CCDC158: variants seen among roughly 807,000 people sequenced by gnomAD.
CCDC158 encodes coiled-coil domain-containing protein 158.
Under a neutral mutation model 138.6 loss-of-function variants are expected in CCDC158, and 116 were observed. The observed-to-expected ratio is 0.84, with a 90% confidence interval of 0.72 to 0.98. CCDC158 has a LOEUF of 0.98. Ranked by LOEUF, CCDC158 falls within the 50% of genes least tolerant of loss-of-function variation. The pLI, the probability that CCDC158 is intolerant of heterozygous loss-of-function variation, is 0.00. For missense variants in CCDC158, 1,265 were observed against 1,306.1 expected (o/e 0.97, Z 0.48); for synonymous variants, 436 against 442.4 (o/e 0.99, Z 0.18).
In CCDC158 at chr4:76,357,362, A is replaced by C. The variant is rs1214270782; in HGVS notation, c.2173+12T>G. The C allele has an allele frequency of 9.5e-6, 14 of 1,480,686 alleles. No individual in the cohort carries two copies. Among genetic ancestry groups the C allele is most frequent in the Non-Finnish European group, 1.2e-5 (13 of 1,117,288 alleles). The allele number at this position is 1,480,686 out of a possible 1,614,324, so 91.7% of individuals were successfully genotyped here. On this transcript the variant is annotated intron_variant, in intron 14 of 24. Transcript: ENST00000682701. ...AAACAGAAGAAAAAATTTTAAATCT[A>C]ACAGAGCATACCATGACCATCAGAT...
chr4:76,413,996 C>T (rs949599211), intron 1 of CCDC158, among the ~76,000 whole-genome samples: 35 of 152,064 alleles, frequency 2.3e-4, no homozygotes, highest in Admixed American at 7.2e-4. Context: ...GGTGGCTGTG[C>T]AGTGGTGGCT....
chr4:76,337,131 C>T (rs1401634920), intron 18 of CCDC158, among the ~76,000 whole-genome samples: 5 of 152,082 alleles, frequency 3.3e-5, no homozygotes, highest in Non-Finnish European at 5.9e-5. Flanking sequence ...TAGGTGCATG[C>T]CACCACACCC....
At position 76,353,129 on chromosome 4, in the gene CCDC158, CA is replaced by C; in HGVS notation, c.2438del (p.Leu813ArgfsTer14). On this transcript the variant is annotated frameshift_variant, in exon 16 of 25. Coordinates refer to ENST00000682701, the MANE Select transcript of CCDC158 (RefSeq NM_001394954.1). LOFTEE classifies it high-confidence loss of function. ...KEKVTNMEVALDKASLQFAEC... is the reference protein window; with the variant it reads ...KEKVTNMEVAXDKASLQFAEC... ...ATGTTTAGTTAATAATTACCTTATC[CA>C]GAGCCACTTCCATATTAGTAACCTT... is the stretch of plus-strand genomic sequence containing the variant. 2.5e-6 allele frequency: 4 copies of C among 1,610,296 alleles called. No homozygotes were observed. Among genetic ancestry groups the C allele is most frequent in the Non-Finnish European group, 3.4e-6 (4 of 1,178,596 alleles).
At chr4:76,322,764 G>T (rs757930590) in intron 24 of CCDC158, among the ~76,000 whole-genome samples, 46 of 152,206 alleles carry the variant, frequency 3.0e-4, no homozygotes, top group Non-Finnish European at 5.6e-4. Flanking sequence ...CCAAAAAGCT[G>T]CTGGTCATCT....
chr4:76,334,910 T>G (rs958647292), intron 18 of CCDC158, among the ~76,000 whole-genome samples: 2 of 152,188 alleles, frequency 1.3e-5, no homozygotes, highest in African/African-American at 2.4e-5. Context: ...TTCACTGGGC[T>G]TTAATTTTCT....
chr4:76,332,402 A>C, intron 20 of CCDC158, 30 bp downstream of exon 20: 2 of 1,576,560 alleles, frequency 1.3e-6, no homozygotes, highest in African/African-American at 2.7e-5. Context: ...TGGACAATTA[A>C]TTTGATTCAG....
chr4:76,420,524 T>C (rs922261888), intron 1 of CCDC158, among the ~76,000 whole-genome samples: 1 of 152,178 alleles, frequency 6.6e-6, no homozygotes, highest in African/African-American at 2.4e-5. Flanking sequence ...ACATGTGGTT[T>C]AAAGACAGGG....
At chr4:76,323,265 T>A in intron 24 of CCDC158, 37 bp downstream of exon 24, 6 of 1,437,318 alleles carry the variant, frequency 4.2e-6, no homozygotes, top group Non-Finnish European at 5.8e-6. Flanking sequence ...AACATTCTCA[T>A]GAGCGAGGAA....
intron 10 of CCDC158, among the ~76,000 whole-genome samples, chr4:76,370,673 T>A (rs1725147348): frequency 6.6e-6 from 1 of 152,098 alleles, no homozygotes; most frequent in Non-Finnish European, 1.5e-5. Flanking sequence ...GAGGCCAGGT[T>A]TGAGGATCTT....
At chr4:76,416,183 G>A (rs1729683618) in intron 1 of CCDC158, among the ~76,000 whole-genome samples, 1 of 152,030 alleles carries the variant, frequency 6.6e-6, no homozygotes, top group African/African-American at 2.4e-5. Context: ...GGCAGGGAAC[G>A]GCCCCCTGTC....
rs983044300 is a variant in CCDC158 at position 76,350,893 on chromosome 4, T to G, written c.2664+103A>C. On this transcript the variant is annotated intron_variant, in intron 18 of 24. Coordinates refer to ENST00000682701, the MANE Select transcript of CCDC158 (RefSeq NM_001394954.1). ...AAATCTAAAATCTAGTAATTGAAAATGCTATGGATATAGAGATATTATTTT... is the reference window on the plus strand; with the variant it reads ...AAATCTAAAATCTAGTAATTGAAAAGGCTATGGATATAGAGATATTATTTT... The G allele has an allele frequency of 3.0e-6, 3 of 1,015,136 alleles. No homozygotes were observed. The South Asian group carries it at 8.0e-5, about 27-fold the overall frequency. The allele number at this position is 1,015,136 out of a possible 1,614,324, so 62.9% of individuals were successfully genotyped here.
At chr4:76,416,901 C>G (rs1013110077) in intron 1 of CCDC158, among the ~76,000 whole-genome samples, 1 of 152,170 alleles carries the variant, frequency 6.6e-6, no homozygotes, top group Admixed American at 6.5e-5. Flanking sequence ...CACACAGAGT[C>G]CCTACTGGGC....
At chr4:76,397,744 C>T (rs1359391973) in intron 3 of CCDC158, among the ~76,000 whole-genome samples, 1 of 152,198 alleles carries the variant, frequency 6.6e-6, no homozygotes, top group Non-Finnish European at 1.5e-5. Context: ...GTTATCAGTG[C>T]TTCTAACTTA....
intron 18 of CCDC158, among the ~76,000 whole-genome samples, chr4:76,347,729 C>G (rs1271549483): frequency 6.6e-6 from 1 of 151,926 alleles, no homozygotes; most frequent in African/African-American, 2.4e-5. Flanking sequence ...AAAAAAGAAA[C>G]AAAATCGCCT....
Position 76,355,412 on chromosome 4 carries a change from T to G in CCDC158, c.2198A>C (p.Gln733Pro). ...ACCTCTTTTGGCTGTGATTTGCTTTTGCATCCCCATTGCCACTTTCATAGC... is the reference window on the plus strand; with the variant it reads ...ACCTCTTTTGGCTGTGATTTGCTTTGGCATCCCCATTGCCACTTTCATAGC... Reference protein sequence around the residue: ...GHAMKVAMGMQKQITAKRGQI... With the variant: ...GHAMKVAMGMPKQITAKRGQI... Residue 733 changes from glutamine to proline, a missense_variant, in exon 15 of 25, where the codon CAA (glutamine) becomes CCA (proline). Coordinates refer to ENST00000682701, the MANE Select transcript of CCDC158 (RefSeq NM_001394954.1). 1 of 1,613,640 alleles carries G rather than the reference T, an allele frequency of 6.2e-7. No homozygotes were observed.
At chr4:76,393,488 T>C (rs1429522111) in intron 4 of CCDC158, among the ~76,000 whole-genome samples, 4 of 152,120 alleles carry the variant, frequency 2.6e-5, no homozygotes, top group African/African-American at 9.7e-5. Context: ...TAAATCAAAA[T>C]GGGTTAAAGA....
At chr4:76,322,466 T>C (rs1720112766) in intron 24 of CCDC158, among the ~76,000 whole-genome samples, 2 of 152,206 alleles carry the variant, frequency 1.3e-5, no homozygotes, top group South Asian at 4.1e-4. Flanking sequence ...AAAACGCAAG[T>C]GAAGCTCTGA....
At chr4:76,373,068 C>T (rs369311652) in intron 9 of CCDC158, among the ~76,000 whole-genome samples, 5 of 152,214 alleles carry the variant, frequency 3.3e-5, no homozygotes, top group African/African-American at 1.2e-4. Context: ...AGGCTGGTCT[C>T]GAACTCCTGG....
At chr4:76,373,929 G>A (rs1476622887) in intron 9 of CCDC158, among the ~76,000 whole-genome samples, 1 of 152,136 alleles carries the variant, frequency 6.6e-6, no homozygotes, top group Non-Finnish European at 1.5e-5. Flanking sequence ...TGAGGTGGGA[G>A]GATCACTTGA....
Sources: gnomAD v4.1 joint callset for allele counts (sites outside exome capture counted in the v4.1 genomes callset) on GRCh38, gnomAD v4.1.1 for gene constraint, MANE v1.5 for transcripts, NCBI Gene and HGNC (gene_info 2026-07-23, HGNC 2026-07-21) for gene names.